Variants in AGBL1 observed in about 807,000 individuals in gnomAD.
AGBL1 encodes the protein cytosolic carboxypeptidase 4.
Under a neutral mutation model 118.9 loss-of-function variants are expected in AGBL1, and 130 were observed. That is an observed-to-expected ratio of 1.09 (90% CI 0.95 to 1.26). The LOEUF (loss-of-function observed/expected upper bound fraction) is 1.26. Among genes scored for constraint, AGBL1 ranks in the 50% most tolerant of loss-of-function variants. AGBL1 has a pLI of 0.00. For missense variants in AGBL1, 1,584 were observed against 1,298.1 expected, an observed-to-expected ratio of 1.22 and a Z score of -3.38; for synonymous variants, 555 against 478.9, an observed-to-expected ratio of 1.16 and a Z score of -2.08.
At position 86,392,233 on chromosome 15, in the gene AGBL1, G is replaced by A. The variant is rs147251608; in HGVS notation, c.2375-5133G>A. 1.5e-3 allele frequency among the ~76,000 whole-genome samples: 224 copies of A among 151,916 alleles called. No homozygotes were observed. In the Middle Eastern group the frequency reaches 0.017, roughly 12 times the overall value. On this transcript the variant is annotated intron_variant, in intron 17 of 22. Coordinates refer to ENST00000614907, the MANE Select transcript of AGBL1 (RefSeq NM_001386094.1). ...TTTTTTCACTCACTGTTATATCACA[G>A]GTACCTTTTTCTGTTGACAGAAAAA...
intron 18 of AGBL1, among the ~76,000 whole-genome samples, chr15:86,468,452 C>T (rs983809345): frequency 2.6e-5 from 4 of 152,158 alleles, no homozygotes; most frequent in African/African-American, 9.7e-5. Context: ...GGGCACTTGG[C>T]TCCCTCATTT....
At chr15:86,649,345 A>G (rs551902107) in intron 21 of AGBL1, among the ~76,000 whole-genome samples, 126 of 152,274 alleles carry the variant, frequency 8.3e-4, no homozygotes, top group African/African-American at 2.8e-3. Flanking sequence ...ATGGGGAAGA[A>G]TTGTTGAAGG....
chr15:86,671,379 C>T (rs2085743682), intron 21 of AGBL1, among the ~76,000 whole-genome samples: 1 of 152,046 alleles, frequency 6.6e-6, no homozygotes, highest in Non-Finnish European at 1.5e-5. Flanking sequence ...TATTTTTGTG[C>T]AAAATAAAAC....
At chr15:86,473,749 T>C (rs2142107218) in intron 18 of AGBL1, among the ~76,000 whole-genome samples, 1 of 152,364 alleles carries the variant, frequency 6.6e-6, no homozygotes, top group South Asian at 2.1e-4. Context: ...TATGCTGTTT[T>C]TGGAATTTTA....
intron 22 of AGBL1, among the ~76,000 whole-genome samples, chr15:86,685,519 C>T (rs1281473341): frequency 6.6e-6 from 1 of 152,078 alleles, no homozygotes; most frequent in East Asian, 1.9e-4. Flanking sequence ...GACTAGCTCC[C>T]TGTGCTTTGC....
intron 22 of AGBL1, among the ~76,000 whole-genome samples, chr15:86,678,911 A>G (rs1019382754): frequency 2.6e-5 from 4 of 152,098 alleles, no homozygotes; most frequent in Admixed American, 2.6e-4. Flanking sequence ...ACATGCATAT[A>G]ACTGGGTATA....
intron 19 of AGBL1, among the ~76,000 whole-genome samples, chr15:86,539,342 CT>C (rs1184086447): frequency 2.6e-5 from 4 of 152,204 alleles, no homozygotes; most frequent in Non-Finnish European, 4.4e-5. Context: ...TCTCTAACTC[CT>C]GTAGATTTTA....
chr15:86,771,503 G>C (rs2078180401), intron 22 of AGBL1, among the ~76,000 whole-genome samples: 1 of 151,892 alleles, frequency 6.6e-6, no homozygotes, highest in Non-Finnish European at 1.5e-5. Flanking sequence ...TTCCTATACA[G>C]ACTTGCATTC....
chr15:86,746,214 A>T (rs1401110260), intron 22 of AGBL1, among the ~76,000 whole-genome samples: 1 of 152,126 alleles, frequency 6.6e-6, no homozygotes, highest in Non-Finnish European at 1.5e-5. Flanking sequence ...CCTTCCGCAC[A>T]TCCTTCTTCA....
At chr15:87,021,139 G>A (rs548689438) in intron 24 of AGBL1, among the ~76,000 whole-genome samples, 8 of 152,118 alleles carry the variant, frequency 5.3e-5, no homozygotes, top group Non-Finnish European at 1.0e-4. Context: ...CATGGTACTG[G>A]TAAAAGAACA....
chr15:86,247,802 C>T lies in AGBL1; in HGVS notation c.658C>T (p.His220Tyr), dbSNP rs372060979. 2.5e-6 allele frequency: 4 copies of T among 1,613,892 alleles called. No individual in the cohort carries two copies. In the African/African-American group the frequency reaches 5.3e-5, roughly 22 times the overall value. The part of the protein sequence containing the change: ...IRRGLLLCLR[H>Y]IAALRSGREA... Reference sequence around the variant, plus strand: ...ACGGGGCTTGCTGCTCTGCCTCAGGCACATTGCTGCCCTCCGGTCCGGCAG... The same window carrying T: ...ACGGGGCTTGCTGCTCTGCCTCAGGTACATTGCTGCCCTCCGGTCCGGCAG... Residue 220 changes from histidine to tyrosine, a missense_variant, in exon 7 of 23, where the codon CAC becomes TAC. Physicochemically the swap from His to Tyr is moderately conservative, Grantham distance 83. Coordinates refer to ENST00000614907, the MANE Select transcript of AGBL1 (RefSeq NM_001386094.1).
chr15:86,974,603 A>G (rs1006353458), intron 23 of AGBL1, among the ~76,000 whole-genome samples: 1 of 141,808 alleles, frequency 7.1e-6, no homozygotes, highest in African/African-American at 2.7e-5. Flanking sequence ...ATATAATTAT[A>G]TAATATAAAT....
At position 86,179,439 on chromosome 15, in the gene AGBL1, T is replaced by TA. The variant is rs1220598207; in HGVS notation, c.488+20419dup. Among the ~76,000 whole-genome samples the TA allele has an allele frequency of 3.3e-5, 5 of 152,148 alleles. No individual in the cohort carries two copies. In the East Asian group the frequency reaches 9.6e-4, roughly 29 times the overall value. On this transcript the variant is annotated intron_variant, in intron 5 of 22. Coordinates refer to ENST00000614907, the MANE Select transcript of AGBL1 (RefSeq NM_001386094.1). ...AAATCATTATATATGATTGATTATA[T>TA]AAAAAATTAAGAAAACCCGACAATA...
chr15:86,166,050 G>A (rs531105704), intron 5 of AGBL1, among the ~76,000 whole-genome samples: 13 of 152,268 alleles, frequency 8.5e-5, no homozygotes, highest in African/African-American at 3.1e-4. Flanking sequence ...TCTAAAGTTC[G>A]AAGGTCTTAA....
At chr15:86,789,079 A>AG (rs1320090256) in intron 22 of AGBL1, among the ~76,000 whole-genome samples, 2 of 152,206 alleles carry the variant, frequency 1.3e-5, no homozygotes, top group Non-Finnish European at 2.9e-5. Context: ...AACATGTGCA[A>AG]GGTCAAAGCT....
chr15:86,415,344 C>T (rs953596579), intron 18 of AGBL1, among the ~76,000 whole-genome samples: 6 of 152,110 alleles, frequency 3.9e-5, no homozygotes, highest in African/African-American at 1.2e-4. Context: ...TTGGTCCTAA[C>T]GGTACTCTGA....
At chr15:86,600,095 C>T (rs2084470630) in intron 21 of AGBL1, among the ~76,000 whole-genome samples, 1 of 151,970 alleles carries the variant, frequency 6.6e-6, no homozygotes, top group African/African-American at 2.4e-5. Context: ...TGCTTCTTTC[C>T]AGTTATTACT....
chr15:86,521,379 G>T (rs1427641343), intron 18 of AGBL1, among the ~76,000 whole-genome samples: 1 of 152,112 alleles, frequency 6.6e-6, no homozygotes, highest in Non-Finnish European at 1.5e-5. Context: ...ATCAACTCTT[G>T]ACAGAGTTAC....
chr15:86,122,985 AAAGAAATCAAAG>A (rs1898178314), intron 1 of AGBL1, among the ~76,000 whole-genome samples: 1 of 152,200 alleles, frequency 6.6e-6, no homozygotes, highest in South Asian at 2.1e-4. Context: ...GCAGGCCCTG[AAAGAAATCAAAG>A]TATTTTACCC....
Sources: gnomAD v4.1 joint callset for allele counts (sites outside exome capture counted in the v4.1 genomes callset) on GRCh38, gnomAD v4.1.1 for gene constraint, MANE v1.5 for transcripts, NCBI Gene and HGNC (gene_info 2026-07-23, HGNC 2026-07-21) for gene names.